Variants in MBNL3 observed in about 807,000 individuals in gnomAD.
The protein encoded by MBNL3 is muscleblind like splicing regulator 3, also known as muscleblind-like protein 3.
In MBNL3, 6 loss-of-function variants were observed where a neutral mutation model predicts 24.5. The ratio of observed to expected loss-of-function variants is 0.25; its 90% confidence interval spans 0.13 to 0.48. The LOEUF is 0.48. Among genes scored for constraint, MBNL3 ranks in the 20% least tolerant of loss-of-function variants. MBNL3 has a pLI of 0.99. For synonymous variants in MBNL3, 100 were observed against 101.7 expected, an observed-to-expected ratio of 0.98 and a Z score of 0.10; for missense variants, 230 against 293.5, an observed-to-expected ratio of 0.78 and a Z score of 1.58.
chrX:132,466,970 GGGTACTATA>G (rs1946919301), intron 1 of MBNL3, among the ~76,000 whole-genome samples: 1 of 111,423 alleles, frequency 9.0e-6, no homozygotes, highest in South Asian at 3.8e-4. Context: ...GCATTGGAAA[GGGTACTATA>G]GGCAGTATCT....
intron 2 of MBNL3, among the ~76,000 whole-genome samples, chrX:132,434,494 T>A (rs1944996111): frequency 8.9e-6 from 1 of 112,371 alleles, no homozygotes; most frequent in African/African-American, 3.2e-5. Flanking sequence ...CTGGTCATGT[T>A]ACAGTGGAGA....
chrX:132,477,301 G>T (rs1225471732), intron 1 of MBNL3, among the ~76,000 whole-genome samples: 2 of 111,797 alleles, frequency 1.8e-5, no homozygotes, highest in Non-Finnish European at 3.8e-5. Flanking sequence ...TCTGAGGAGG[G>T]AGATACAAAC....
At chrX:132,422,475 G>A (rs143932231) in intron 2 of MBNL3, among the ~76,000 whole-genome samples, 2,363 of 111,489 alleles carry the variant, frequency 0.021, 30 homozygotes, top group Non-Finnish European at 0.032. Flanking sequence ...ACACTAACAC[G>A]CAGTTAACAG....
intron 2 of MBNL3, among the ~76,000 whole-genome samples, chrX:132,415,137 T>C (rs1250455594): frequency 8.9e-6 from 1 of 111,822 alleles, no homozygotes; most frequent in East Asian, 2.8e-4. Context: ...CTTGAAACCA[T>C]GCTAATTATT....
intron 3 of MBNL3, among the ~76,000 whole-genome samples, chrX:132,394,566 T>C (rs999407949): frequency 8.9e-5 from 10 of 112,221 alleles, no homozygotes; most frequent in African/African-American, 2.6e-4. Context: ...TACTTTTTGC[T>C]CTTGCCTTTT....
chrX:132,413,188 C>A (rs1942967350), intron 2 of MBNL3, among the ~76,000 whole-genome samples: 1 of 111,656 alleles, frequency 9.0e-6, no homozygotes, highest in Non-Finnish European at 1.9e-5. Flanking sequence ...CCCATCCACT[C>A]ACTTGCCACA....
At position 132,386,909 on chromosome X, in the gene MBNL3, G is replaced by C. The variant is rs776884932; in HGVS notation, c.772-98C>G. Reference sequence around the variant, plus strand: ...ATAAGGTATTTCCTGGGAATCCTCCGTAAGGGTATGCATTGGGCAAGACAC... The same window carrying C: ...ATAAGGTATTTCCTGGGAATCCTCCCTAAGGGTATGCATTGGGCAAGACAC... On this transcript the variant is annotated intron_variant, in intron 5 of 8. Coordinates refer to ENST00000370853, the MANE Select transcript of MBNL3 (RefSeq NM_001386889.1). 6 of 970,460 alleles carry C rather than the reference G, an allele frequency of 6.2e-6. No homozygotes were observed. The East Asian group carries it at 1.2e-4, about 20-fold the overall frequency. The allele number at this position is 970,460 out of a possible 1,213,427, so 80.0% of individuals were successfully genotyped here.
At chrX:132,463,543 G>A (rs1946737196) in intron 1 of MBNL3, among the ~76,000 whole-genome samples, 1 of 111,976 alleles carries the variant, frequency 8.9e-6, no homozygotes, top group Non-Finnish European at 1.9e-5. Context: ...ATTCAGTTGT[G>A]TACTATAAAC....
chrX:132,487,474 G>C (rs1256352822), intron 1 of MBNL3, among the ~76,000 whole-genome samples: 1 of 112,145 alleles, frequency 8.9e-6, no homozygotes, highest in Non-Finnish European at 1.9e-5. Flanking sequence ...ACAGCACCTG[G>C]GCAGAAAACT....
intron 3 of MBNL3, among the ~76,000 whole-genome samples, chrX:132,396,850 A>G (rs1291065076): frequency 1.6e-5 from 1 of 63,899 alleles, no homozygotes. Context: ...ATATATACAT[A>G]TATATTCATA....
chrX:132,443,107 A>G lies in MBNL3; in HGVS notation c.-703-2793T>C, dbSNP rs1945474821. Among the ~76,000 whole-genome samples the G allele has an allele frequency of 4.5e-5, 5 of 112,345 alleles. No individual in the cohort carries two copies. The South Asian group carries it at 1.8e-3, about 41-fold the overall frequency. On this transcript the variant is annotated intron_variant, in intron 1 of 8. Transcript: ENST00000370853. ...TTATAGTCCTCTAAAGCAGAACATGAAAAGTTACCATTTCTTAGTGCATTT... is the reference window on the plus strand; with the variant it reads ...TTATAGTCCTCTAAAGCAGAACATGGAAAGTTACCATTTCTTAGTGCATTT...
chrX:132,476,019 TAA>T (rs2148530451), intron 1 of MBNL3, among the ~76,000 whole-genome samples: 1 of 111,891 alleles, frequency 8.9e-6, no homozygotes, highest in South Asian at 3.8e-4. Flanking sequence ...GCAAAAAGTA[TAA>T]AGTCTCAGAA....
chrX:132,389,812 C>T lies in MBNL3; in HGVS notation c.771+1035G>A, dbSNP rs143418668. 8.6e-3 allele frequency among the ~76,000 whole-genome samples: 963 copies of T among 111,535 alleles called. 11 individuals carry two copies. Among genetic ancestry groups the T allele is most frequent in the African/African-American group, 0.03 (927 of 30,694 alleles). ...TCAGTGATCACACTGCAGTGTTACA[C>T]AAATATTTTTCCTGCTTCCTACCTT... On this transcript the variant is annotated intron_variant, in intron 5 of 8. Transcript: ENST00000370853.
chrX:132,424,498 A>G (rs1473876390), intron 2 of MBNL3, among the ~76,000 whole-genome samples: 1 of 111,656 alleles, frequency 9.0e-6, no homozygotes, highest in African/African-American at 3.3e-5. Flanking sequence ...AATTAATCAC[A>G]GCTATTCATT....
At chrX:132,395,937 A>G (rs752224397) in intron 3 of MBNL3, among the ~76,000 whole-genome samples, 14 of 111,359 alleles carry the variant, frequency 1.3e-4, no homozygotes, top group Admixed American at 6.7e-4. Flanking sequence ...GGCTCTGCAA[A>G]CTAGGGCCCA....
At chrX:132,404,727 C>T (rs1243955643) in intron 3 of MBNL3, among the ~76,000 whole-genome samples, 1 of 111,851 alleles carries the variant, frequency 8.9e-6, no homozygotes, top group African/African-American at 3.2e-5. Flanking sequence ...TAAAGGGTTC[C>T]ATATCAACAC....
At chrX:132,438,259 A>T (rs1313642623) in intron 2 of MBNL3, among the ~76,000 whole-genome samples, 2 of 112,372 alleles carry the variant, frequency 1.8e-5, no homozygotes, top group Non-Finnish European at 3.8e-5. Context: ...CTGGAGTCCC[A>T]TCCCCAAGAT....
chrX:132,443,651 T>C (rs1216776434), intron 1 of MBNL3, among the ~76,000 whole-genome samples: 2 of 111,295 alleles, frequency 1.8e-5, no homozygotes, highest in Admixed American at 1.9e-4. Flanking sequence ...GTATTAGAAT[T>C]TATGAAGAGC....
intron 1 of MBNL3, among the ~76,000 whole-genome samples, chrX:132,469,129 A>G (rs1947040892): frequency 8.9e-6 from 1 of 112,235 alleles, no homozygotes; most frequent in African/African-American, 3.2e-5. Flanking sequence ...TGGGGTATCC[A>G]TATCAGATAA....
Sources: gnomAD v4.1 joint callset for allele counts (sites outside exome capture counted in the v4.1 genomes callset) on GRCh38, gnomAD v4.1.1 for gene constraint, MANE v1.5 for transcripts, NCBI Gene and HGNC (gene_info 2026-07-23, HGNC 2026-07-21) for gene names.